MBD5: variants seen among roughly 807,000 people sequenced by gnomAD.
MBD5 encodes the protein methyl-CpG binding domain protein 5.
In MBD5, 13 loss-of-function variants were observed where a neutral mutation model predicts 117.3. The ratio of observed to expected loss-of-function variants is 0.11; its 90% CI spans 0.07 to 0.18. The LOEUF (loss-of-function observed/expected upper bound fraction) is 0.18. MBD5 is among the 10% of genes least tolerant of loss of function. The probability of loss-of-function intolerance (pLI) is 1.00; values close to 1 mark genes in which losing one functional copy is unlikely to be tolerated. For synonymous variants in MBD5, 727 were observed against 766.4 expected (o/e 0.95, Z 0.85); for missense variants, 1,879 against 2,093.8 (o/e 0.90, Z 2.00).
intron 4 of MBD5, among the ~76,000 whole-genome samples, chr2:148,426,963 C>A (rs1208639756): frequency 6.6e-6 from 1 of 151,900 alleles, no homozygotes; most frequent in Non-Finnish European, 1.5e-5. Context: ...AAGAAAAAAA[C>A]AAACAACCCC....
At chr2:148,456,625 G>A (rs1574444294) in intron 4 of MBD5, among the ~76,000 whole-genome samples, 2 of 152,252 alleles carry the variant, frequency 1.3e-5, no homozygotes, top group South Asian at 4.1e-4. Context: ...GCCTGTAGAT[G>A]GGCCATTTCT....
intron 3 of MBD5, among the ~76,000 whole-genome samples, chr2:148,312,964 G>A (rs996608213): frequency 6.6e-6 from 1 of 152,176 alleles, no homozygotes; most frequent in Non-Finnish European, 1.5e-5. Flanking sequence ...CTGTTTCGCT[G>A]GGTATCACCA....
At chr2:148,437,305 T>C (rs1373147494) in intron 4 of MBD5, among the ~76,000 whole-genome samples, 2 of 152,138 alleles carry the variant, frequency 1.3e-5, no homozygotes, top group Non-Finnish European at 2.9e-5. Flanking sequence ...TTTAAGTTTA[T>C]AGCTGGCCTT....
intron 4 of MBD5, among the ~76,000 whole-genome samples, chr2:148,394,999 G>T (rs1417161800): frequency 6.6e-6 from 1 of 151,786 alleles, no homozygotes; most frequent in Admixed American, 6.6e-5. Context: ...TTTGTTTTTA[G>T]TCTTTGTCTC....
chr2:148,297,621 T>C (rs1701685584), intron 3 of MBD5, among the ~76,000 whole-genome samples: 1 of 152,206 alleles, frequency 6.6e-6, no homozygotes, highest in African/African-American at 2.4e-5. Flanking sequence ...AGGCCATTCT[T>C]TGAAGTTTAT....
At chr2:148,287,488 C>T (rs995599015) in intron 3 of MBD5, among the ~76,000 whole-genome samples, 6 of 152,070 alleles carry the variant, frequency 3.9e-5, no homozygotes, top group South Asian at 2.1e-4. Flanking sequence ...ACTTTTGATT[C>T]GGTAATGAAT....
At chr2:148,085,649 G>A (rs1323556506) in intron 1 of MBD5, among the ~76,000 whole-genome samples, 1 of 150,932 alleles carries the variant, frequency 6.6e-6, no homozygotes, top group African/African-American at 2.4e-5. Flanking sequence ...GCATGAACCC[G>A]GGAGGCGGAG....
intron 4 of MBD5, among the ~76,000 whole-genome samples, chr2:148,405,418 A>G (rs1057510475): frequency 1.3e-5 from 2 of 152,226 alleles, no homozygotes; most frequent in African/African-American, 4.8e-5. Flanking sequence ...ATGCCCCATG[A>G]ATTATGAAGT....
At chr2:148,027,376 G>C (rs565779837) in intron 1 of MBD5, 1 of 152,036 alleles carries the variant, frequency 6.6e-6, no homozygotes, top group East Asian at 1.9e-4. Context: ...TTGGGTAGTT[G>C]AGTTTTACAT....
In MBD5 at chr2:148,147,710, G is replaced by A. The variant is rs1019798912; in HGVS notation, c.-924-30990G>A. On this transcript the variant is annotated intron_variant, in intron 1 of 13. Transcript: ENST00000642680. ...GTGTGGCCACTAAAATTTCTGCTCT[G>A]TTACCTTTATGGTCAACTAATGATT... 5.3e-4 allele frequency among the ~76,000 whole-genome samples: 81 copies of A among 152,034 alleles called. 1 individual carries two copies. The highest frequency in any genetic ancestry group is 4.6e-4 in the Admixed American group (7 of 15,252).
intron 4 of MBD5, among the ~76,000 whole-genome samples, chr2:148,428,929 G>A (rs1358373229): frequency 1.3e-5 from 2 of 152,106 alleles, no homozygotes; most frequent in Non-Finnish European, 2.9e-5. Flanking sequence ...CAAGACATAG[G>A]CATGGGCAAA....
At chr2:148,273,538 T>C (rs1428505571) in intron 3 of MBD5, among the ~76,000 whole-genome samples, 1 of 151,950 alleles carries the variant, frequency 6.6e-6, no homozygotes. Context: ...AGAAACTGAC[T>C]CAGCACGTTG....
In MBD5 at chr2:148,469,804, A is replaced by G; in HGVS notation, c.1861A>G (p.Asn621Asp). Residue 621 changes from asparagine (N) to aspartate (D), a missense_variant, in exon 8 of 14, where the codon AAC becomes GAC. By Grantham distance (23) the Asn-to-Asp change is conservative. This residue lies in a region of MBD5 where 1,666 missense variants were observed against 1,792.2 expected (regional missense o/e 0.93). Coordinates refer to ENST00000642680, the MANE Select transcript of MBD5 (RefSeq NM_001378120.1). ...CAACACTGAAGGACATAGCACTTTA[A>G]ACACCATGTTCCCTCCTACTGCCAA... ...SGNTEGHSTL[N>D]TMFPPTANML... 6.2e-7 allele frequency: 1 copy of G among 1,613,936 alleles called. No individual in the cohort carries two copies. Among genetic ancestry groups the G allele is most frequent in the South Asian group, 1.1e-5 (1 of 91,082 alleles).
At chr2:148,145,304 C>T (rs1301093833) in intron 1 of MBD5, among the ~76,000 whole-genome samples, 1 of 152,120 alleles carries the variant, frequency 6.6e-6, no homozygotes, top group African/African-American at 2.4e-5. Context: ...ATTTTGTATC[C>T]TGAGACTTTG....
At chr2:148,296,889 A>T (rs1457610387) in intron 3 of MBD5, among the ~76,000 whole-genome samples, 2 of 2,630 alleles carry the variant, frequency 7.6e-4, no homozygotes, top group Non-Finnish European at 7.9e-3. Context: ...TTTTTTGGAG[A>T]CAGAGTCTCA....
In MBD5 at chr2:148,470,480, A is replaced by G; in HGVS notation, c.2518+19A>G. On this transcript the variant is annotated intron_variant, in intron 8 of 13. Coordinates refer to ENST00000642680, the MANE Select transcript of MBD5 (RefSeq NM_001378120.1). ...GAAGCAGGTATGGTTTTATTAGAAA[A>G]AAGTACCCAAAGGTACTAAACTTTT... 1 of 1,567,254 alleles carries G rather than the reference A, an allele frequency of 6.4e-7. No individual in the cohort carries two copies. Among genetic ancestry groups the G allele is most frequent in the Non-Finnish European group, 8.6e-7 (1 of 1,158,842 alleles).
chr2:148,184,681 G>A (rs1698609222), intron 2 of MBD5, among the ~76,000 whole-genome samples: 1 of 152,108 alleles, frequency 6.6e-6, no homozygotes, highest in Admixed American at 6.5e-5. Context: ...TTTGAAAACA[G>A]TTGTGCTTCT....
At chr2:148,086,692 TA>T (rs1207204898) in intron 1 of MBD5, among the ~76,000 whole-genome samples, 1 of 152,092 alleles carries the variant, frequency 6.6e-6, no homozygotes, top group African/African-American at 2.4e-5. Flanking sequence ...GGATACAGAA[TA>T]GGGGTGGGAT....
At chr2:148,327,512 C>T (rs1194394459) in intron 3 of MBD5, among the ~76,000 whole-genome samples, 1 of 152,106 alleles carries the variant, frequency 6.6e-6, no homozygotes, top group African/African-American at 2.4e-5. Flanking sequence ...TTCACATAGT[C>T]CCATATTTCT....
Sources: allele counts gnomAD v4.1 joint callset (sites outside exome capture counted in the v4.1 genomes callset), GRCh38; gene constraint gnomAD v4.1.1; regional missense constraint gnomAD v4.1.1; transcripts MANE v1.5; gene names NCBI Gene and HGNC (gene_info 2026-07-23, HGNC 2026-07-21).